Variants in OSBPL10 observed in about 807,000 individuals in gnomAD.
OSBPL10 encodes oxysterol binding protein like 10, also known as oxysterol-binding protein-related protein 10.
In OSBPL10, 49 loss-of-function variants were observed where a neutral mutation model predicts 81.7. The observed-to-expected ratio is 0.60, with a 90% CI of 0.48 to 0.76. OSBPL10 has a LOEUF of 0.76. Ranked by LOEUF, OSBPL10 falls within the 30% of genes least tolerant of loss-of-function variation. OSBPL10 has a pLI of 0.00. For missense variants in OSBPL10, 923 were observed against 987.8 expected (o/e 0.93, Z 0.88); for synonymous variants, 419 against 383.6 (o/e 1.09, Z -1.08).
At chr3:31,954,700 T>A (rs910061080) in intron 1 of OSBPL10, among the ~76,000 whole-genome samples, 2 of 152,192 alleles carry the variant, frequency 1.3e-5, no homozygotes. Flanking sequence ...TAAAAATGCA[T>A]GCAGTTGTCA....
rs574815553 is a variant in OSBPL10 at position 31,915,632 on chromosome 3, G to T, written c.282-35802C>A. Among the ~76,000 whole-genome samples the T allele has an allele frequency of 2.0e-5, 3 of 152,232 alleles. No homozygotes were observed. In the East Asian group the frequency reaches 5.8e-4, roughly 29 times the overall value. Reference sequence around the variant, plus strand: ...AAGTAGGGAAGGAGAGGGAGCAAGGGTTGAAAAACTATCGCATACCATGCT... The same window carrying T: ...AAGTAGGGAAGGAGAGGGAGCAAGGTTTGAAAAACTATCGCATACCATGCT... On this transcript the variant is annotated intron_variant, in intron 1 of 11. Coordinates refer to ENST00000396556, the MANE Select transcript of OSBPL10 (RefSeq NM_017784.5).
At chr3:32,045,165 G>A (rs945764785) in intron 2 of OSBPL10, among the ~76,000 whole-genome samples, 2 of 152,200 alleles carry the variant, frequency 1.3e-5, no homozygotes, top group South Asian at 4.1e-4. Context: ...GAAACAGTCT[G>A]GATGGAGCAT....
intron 4 of OSBPL10, among the ~76,000 whole-genome samples, chr3:31,751,338 C>A (rs1697712595): frequency 6.6e-6 from 1 of 151,744 alleles, no homozygotes; most frequent in South Asian, 2.1e-4. Context: ...CAGAGTGAGA[C>A]CTTGTCTCAA....
intron 2 of OSBPL10, among the ~76,000 whole-genome samples, chr3:32,013,324 C>T (rs567314916): frequency 2.6e-5 from 4 of 152,274 alleles, no homozygotes; most frequent in African/African-American, 7.2e-5. Context: ...GGAAACTGAA[C>T]AACCTGCTCC....
At chr3:31,795,088 T>G (rs2124489) in intron 4 of OSBPL10, 2 of 166,604 alleles carry the variant, frequency 1.2e-5, no homozygotes, top group Non-Finnish European at 2.6e-5. Flanking sequence ...TGGCCCACCC[T>G]TTCATGAGGG....
chr3:31,858,475 C>G (rs1700981043), intron 3 of OSBPL10, among the ~76,000 whole-genome samples: 1 of 152,148 alleles, frequency 6.6e-6, no homozygotes, highest in Non-Finnish European at 1.5e-5. Flanking sequence ...GTCCTGAAAG[C>G]ACAGTACCCC....
At chr3:31,673,219 G>A (rs1231281418) in intron 8 of OSBPL10, among the ~76,000 whole-genome samples, 3 of 152,184 alleles carry the variant, frequency 2.0e-5, no homozygotes, top group Non-Finnish European at 4.4e-5. Flanking sequence ...TTAGACATTG[G>A]TGTTTCAATC....
chr3:31,681,099 C>T (rs984223113), intron 8 of OSBPL10, among the ~76,000 whole-genome samples: 5 of 152,166 alleles, frequency 3.3e-5, no homozygotes, highest in Non-Finnish European at 5.9e-5. Flanking sequence ...CTGGGTGACC[C>T]AAGATCATCC....
intron 1 of OSBPL10, among the ~76,000 whole-genome samples, chr3:32,056,568 T>A (rs926077001): frequency 6.6e-6 from 1 of 152,240 alleles, no homozygotes; most frequent in South Asian, 2.1e-4. Flanking sequence ...ACTCAAGAGA[T>A]ACGAATGGCC....
intron 1 of OSBPL10, among the ~76,000 whole-genome samples, chr3:31,957,339 TGAG>T (rs1185368893): frequency 3.9e-5 from 6 of 152,102 alleles, no homozygotes; most frequent in Non-Finnish European, 8.8e-5. Flanking sequence ...CCATCTCCCC[TGAG>T]CACAGTTATG....
rs781139425 is a variant in OSBPL10 at position 31,989,494 on chromosome 3, G to A, written n.298+56997C>T. ...AATCAAAAAGTTGACTGGTAGCACC[G>A]ACAGATATGATCGAAGGCATCCTGG... is the stretch of plus-strand genomic sequence containing the variant. On this transcript the variant is annotated intron_variant and non_coding_transcript_variant, in intron 2 of 3. Coordinates refer to the OSBPL10 transcript ENST00000479173. 90 of 1,614,056 alleles carry A rather than the reference G, an allele frequency of 5.6e-5. No individual in the cohort carries two copies. Among genetic ancestry groups the A allele is most frequent in the African/African-American group, 1.1e-4 (8 of 74,916 alleles).
At chr3:31,874,112 CTTTT>C (rs5847723) in intron 3 of OSBPL10, among the ~76,000 whole-genome samples, 8 of 144,696 alleles carry the variant, frequency 5.5e-5, no homozygotes, top group African/African-American at 2.0e-4. Flanking sequence ...TCTTCAAATT[CTTTT>C]TTTTTTTTTA....
chr3:31,798,029 A>G (rs1388334450), intron 4 of OSBPL10, among the ~76,000 whole-genome samples: 7 of 152,160 alleles, frequency 4.6e-5, no homozygotes, highest in South Asian at 2.1e-4. Flanking sequence ...CTGTCTTAAT[A>G]TATTTTTCTA....
At chr3:31,873,670 T>C (rs1031281308) in intron 3 of OSBPL10, among the ~76,000 whole-genome samples, 5 of 151,956 alleles carry the variant, frequency 3.3e-5, no homozygotes, top group African/African-American at 1.2e-4. Context: ...TATAGTCTAC[T>C]GTAAAGGGAT....
At chr3:32,055,573 G>A (rs1345488416) in intron 1 of OSBPL10, among the ~76,000 whole-genome samples, 1 of 152,082 alleles carries the variant, frequency 6.6e-6, no homozygotes, top group Non-Finnish European at 1.5e-5. Flanking sequence ...CTAAAATTTG[G>A]AAACTAGTTG....
intron 1 of OSBPL10, among the ~76,000 whole-genome samples, chr3:31,883,685 C>G (rs1394075666): frequency 6.6e-6 from 1 of 152,094 alleles, no homozygotes; most frequent in Non-Finnish European, 1.5e-5. Context: ...GCGCTTGCCA[C>G]TATGCCCAGC....
chr3:31,714,098 G>A (rs1471314965), intron 6 of OSBPL10: 1 of 152,200 alleles, frequency 6.6e-6, no homozygotes, highest in Non-Finnish European at 1.5e-5. Context: ...CGATATGATT[G>A]CACACAGAGG....
intron 2 of OSBPL10, chr3:31,879,441 C>T: frequency 1.9e-6 from 1 of 539,430 alleles, no homozygotes; most frequent in South Asian, 2.6e-5. Flanking sequence ...TTTCCTTTGT[C>T]CTTAATTCCT....
chr3:31,694,737 T>A lies in OSBPL10; in HGVS notation c.1245+7622A>T, dbSNP rs143994315. On this transcript the variant is annotated intron_variant, in intron 7 of 11. Transcript: ENST00000396556. Reference sequence around the variant, plus strand: ...TATCTCAGCAAGCTCTTTCAAAGCATAAATCTTTTGTTTGTTTGTTTGTTT... The same window carrying A: ...TATCTCAGCAAGCTCTTTCAAAGCAAAAATCTTTTGTTTGTTTGTTTGTTT... Among the ~76,000 whole-genome samples, 1,280 of 152,288 alleles carry A rather than the reference T, an allele frequency of 8.4e-3. 11 individuals carry two copies. Among genetic ancestry groups the A allele is most frequent in the Non-Finnish European group, 0.011 (726 of 68,016 alleles).
Sources: gnomAD v4.1 joint callset for allele counts (sites outside exome capture counted in the v4.1 genomes callset) on GRCh38, gnomAD v4.1.1 for gene constraint, MANE v1.5 for transcripts, NCBI Gene and HGNC (gene_info 2026-07-23, HGNC 2026-07-21) for gene names.